The following SYT1 variants were observed in gnomAD, a reference collection of about 807,000 sequenced individuals.
SYT1 encodes the protein synaptotagmin-1.
Under a neutral mutation model 44.8 loss-of-function variants are expected in SYT1, and 8 were observed. The observed-to-expected ratio is 0.18, with a 90% confidence interval of 0.10 to 0.32. The LOEUF (loss-of-function observed/expected upper bound fraction) is 0.32, where lower values mean the gene tolerates loss of function less well. SYT1 is among the 10% of genes least tolerant of loss of function. The pLI, the probability that SYT1 is intolerant of heterozygous loss-of-function variation, is 1.00. For missense variants in SYT1, 286 were observed against 509.3 expected, an observed-to-expected ratio of 0.56 and a Z score of 4.22; for synonymous variants, 154 against 188.8, an observed-to-expected ratio of 0.82 and a Z score of 1.51.
chr12:79,439,842 A>G (rs1437289238), intron 9 of SYT1, among the ~76,000 whole-genome samples: 1 of 151,976 alleles, frequency 6.6e-6, no homozygotes, highest in African/African-American at 2.4e-5. Context: ...ACTTGTAAAC[A>G]CTGTACTAAA....
chr12:78,888,014 A>G (rs1308199980), intron 1 of SYT1, among the ~76,000 whole-genome samples: 6 of 151,960 alleles, frequency 3.9e-5, no homozygotes, highest in Non-Finnish European at 8.8e-5. Context: ...ATTTAAAGTA[A>G]GAGATTTTCA....
intron 3 of SYT1, among the ~76,000 whole-genome samples, chr12:79,167,899 C>A (rs1169821828): frequency 6.6e-6 from 1 of 151,878 alleles, no homozygotes; most frequent in African/African-American, 2.4e-5. Flanking sequence ...TCATAAGGAG[C>A]GTAACAACCT....
intron 1 of SYT1, among the ~76,000 whole-genome samples, chr12:78,968,137 TA>T (rs1277387916): frequency 6.6e-6 from 1 of 152,078 alleles, no homozygotes; most frequent in Non-Finnish European, 1.5e-5. Flanking sequence ...AGTATATGGT[TA>T]AATAGGATGC....
intron 8 of SYT1, 128 bp downstream of exon 8, chr12:79,299,679 A>G (rs1301302945): frequency 7.5e-6 from 9 of 1,200,348 alleles, no homozygotes; most frequent in Non-Finnish European, 1.0e-5. Flanking sequence ...AGCTGATAAA[A>G]TAGGGTCAAG....
At chr12:79,338,876 T>C (rs1882223155) in intron 8 of SYT1, among the ~76,000 whole-genome samples, 1 of 151,986 alleles carries the variant, frequency 6.6e-6, no homozygotes, top group African/African-American at 2.4e-5. Context: ...TGTCCAAGTG[T>C]TCTCATTGTT....
rs1565813870 is a variant in SYT1, at chr12:79,117,705, AT to A, written c.-18+70344del. ...TATATATATATATATATATATATAT[AT>A]ATATATATAAAATAAATAGGTTGCA... On this transcript the variant is annotated intron_variant, in intron 3 of 10. Transcript: ENST00000261205. 5.4e-4 allele frequency among the ~76,000 whole-genome samples: 57 copies of A among 106,116 alleles called. 1 individual carries two copies. The highest frequency in any genetic ancestry group is 9.2e-4 in the Non-Finnish European group (47 of 51,024). 69.6% of individuals were successfully genotyped at this position (106,116 alleles called of 152,430 possible). A position where few individuals can be genotyped will look rare whatever the true frequency, so the allele number is the denominator to read the frequency against.
chr12:79,313,688 A>T (rs753432140), intron 8 of SYT1, among the ~76,000 whole-genome samples: 30 of 151,820 alleles, frequency 2.0e-4, no homozygotes, highest in Non-Finnish European at 3.1e-4. Context: ...TACAGGGTAG[A>T]TTAAAGCTCA....
chr12:79,381,939 G>A (rs1480586643), intron 9 of SYT1, among the ~76,000 whole-genome samples: 3 of 152,132 alleles, frequency 2.0e-5, no homozygotes, highest in Non-Finnish European at 2.9e-5. Flanking sequence ...CGTCTATCTG[G>A]CTAGGTAATT....
chr12:78,976,049 T>G (rs537403866), intron 1 of SYT1, among the ~76,000 whole-genome samples: 1 of 152,250 alleles, frequency 6.6e-6, no homozygotes, highest in East Asian at 1.9e-4. Context: ...TTTTTTAGAG[T>G]GAGAAATTAG....
intron 4 of SYT1, among the ~76,000 whole-genome samples, chr12:79,242,378 G>T (rs1245807): frequency 5.3e-5 from 8 of 151,974 alleles, no homozygotes; most frequent in African/African-American, 9.7e-5. Context: ...TGTCTACTTT[G>T]GATTGTGTGA....
rs1491347037 is a variant in SYT1, at chr12:78,876,461, G to GTTTTTTTTTTTTTTTTTTT, written c.-217+11353_-217+11354insTTTTTTTTTTTTTTTTTTT. The stretch of plus-strand genomic sequence containing the variant: ...ATAATAACATGTTTTGAAAATGGAG[G>GTTTTTTTTTTTTTTTTTTT]TGTTTTTTTTTTTTTTTTTTTTGCC... On this transcript the variant is annotated intron_variant, in intron 1 of 10. Coordinates refer to ENST00000261205, the MANE Select transcript of SYT1 (RefSeq NM_005639.3). Among the ~76,000 whole-genome samples the GTTTTTTTTTTTTTTTTTTT allele has an allele frequency of 9.9e-5, 3 of 30,214 alleles. 1 individual carries two copies. The highest frequency in any genetic ancestry group is 1.4e-4 in the African/African-American group (2 of 14,300). 19.8% of individuals were successfully genotyped at this position (30,214 alleles called of 152,430 possible).
chr12:79,025,483 G>T (rs924120428), intron 2 of SYT1, among the ~76,000 whole-genome samples: 5 of 151,562 alleles, frequency 3.3e-5, no homozygotes, highest in African/African-American at 1.2e-4. Flanking sequence ...TTGCTTTGGG[G>T]ATATTATTTC....
intron 8 of SYT1, among the ~76,000 whole-genome samples, chr12:79,335,012 C>A (rs565161657): frequency 1.3e-5 from 2 of 152,282 alleles, no homozygotes; most frequent in South Asian, 2.1e-4. Context: ...TTCATTCCCC[C>A]ACTCCAGGTG....
At chr12:79,156,499 G>A (rs1315642714) in intron 3 of SYT1, among the ~76,000 whole-genome samples, 1 of 151,780 alleles carries the variant, frequency 6.6e-6, no homozygotes, top group African/African-American at 2.4e-5. Flanking sequence ...ATGGAGTCTC[G>A]CTCTGTCTCC....
intron 2 of SYT1, among the ~76,000 whole-genome samples, chr12:79,008,453 T>A (rs545193329): frequency 1.8e-4 from 28 of 152,294 alleles, no homozygotes; most frequent in Non-Finnish European, 3.8e-4. Context: ...AGATAAATAC[T>A]ATGATCCCAG....
intron 3 of SYT1, among the ~76,000 whole-genome samples, chr12:79,128,582 T>C (rs900275653): frequency 2.0e-5 from 3 of 152,228 alleles, no homozygotes; most frequent in African/African-American, 7.2e-5. Context: ...CAGATTTTCC[T>C]AGAACTTCTG....
chr12:79,436,147 C>T (rs911869594), intron 9 of SYT1, among the ~76,000 whole-genome samples: 5 of 152,094 alleles, frequency 3.3e-5, no homozygotes, highest in African/African-American at 9.7e-5. Context: ...CACAGCTGTA[C>T]TTTTGAAGCT....
chr12:78,976,945 T>C (rs1225505225), intron 1 of SYT1, among the ~76,000 whole-genome samples: 2 of 152,256 alleles, frequency 1.3e-5, no homozygotes, highest in South Asian at 2.1e-4. Flanking sequence ...AGTTTCTATA[T>C]TCTAAAATTA....
At chr12:79,339,305 A>C (rs1162373015) in intron 8 of SYT1, among the ~76,000 whole-genome samples, 1 of 152,138 alleles carries the variant, frequency 6.6e-6, no homozygotes, top group African/African-American at 2.4e-5. Flanking sequence ...AAGTGTTCCT[A>C]TTTCTCCACA....
Sources: gnomAD v4.1 joint callset for allele counts (sites outside exome capture counted in the v4.1 genomes callset) on GRCh38, gnomAD v4.1.1 for gene constraint, MANE v1.5 for transcripts, NCBI Gene and HGNC (gene_info 2026-07-23, HGNC 2026-07-21) for gene names.